GNAL: variants seen among roughly 807,000 people sequenced by gnomAD.
The protein encoded by GNAL is G protein subunit alpha L, also known as guanine nucleotide-binding protein G(olf) subunit alpha.
In GNAL, 18 loss-of-function variants were observed where a neutral mutation model predicts 55.1. The ratio of observed to expected loss-of-function variants is 0.33; its 90% CI spans 0.23 to 0.48. The LOEUF (loss-of-function observed/expected upper bound fraction) is 0.48, where lower values mean the gene tolerates loss of function less well. Among genes scored for constraint, GNAL ranks in the 20% least tolerant of loss-of-function variants. GNAL has a pLI of 0.99. For synonymous variants in GNAL, 253 were observed against 237.0 expected, an observed-to-expected ratio of 1.07 and a Z score of -0.62; for missense variants, 412 against 614.1, an observed-to-expected ratio of 0.67 and a Z score of 3.48.
At chr18:11,770,758 T>TTCTA (rs2033608181) in intron 4 of GNAL, among the ~76,000 whole-genome samples, 1 of 152,212 alleles carries the variant, frequency 6.6e-6, no homozygotes, top group Admixed American at 6.5e-5. Flanking sequence ...TATGTAAGTG[T>TTCTA]TCTAATACTT....
intron 11 of GNAL, among the ~76,000 whole-genome samples, chr18:11,877,630 G>C (rs1295756828): frequency 2.0e-5 from 3 of 151,818 alleles, no homozygotes; most frequent in African/African-American, 4.8e-5. Context: ...TCCCAAGGGC[G>C]ATGTTCCCGG....
chr18:11,734,479 T>C (rs2032417625), intron 1 of GNAL, among the ~76,000 whole-genome samples: 1 of 151,874 alleles, frequency 6.6e-6, no homozygotes. Context: ...TCACATAGAA[T>C]GGATTCAGTG....
intron 1 of GNAL, among the ~76,000 whole-genome samples, chr18:11,739,488 A>G (rs1318267411): frequency 6.6e-6 from 1 of 152,138 alleles, no homozygotes; most frequent in Admixed American, 6.5e-5. Context: ...TGAGACAATA[A>G]GTGTGTCTGA....
At chr18:11,774,296 T>A (rs1301201930) in intron 4 of GNAL, among the ~76,000 whole-genome samples, 1 of 152,232 alleles carries the variant, frequency 6.6e-6, no homozygotes, top group African/African-American at 2.4e-5. Context: ...CTCTGCCTTC[T>A]GTCAGTTTTC....
At chr18:11,856,648 G>C (rs1165287030) in intron 5 of GNAL, among the ~76,000 whole-genome samples, 1 of 151,862 alleles carries the variant, frequency 6.6e-6, no homozygotes, top group African/African-American at 2.4e-5. Flanking sequence ...AATACAGGTG[G>C]GGCGTGGTGG....
At chr18:11,821,891 C>T (rs968999962) in intron 4 of GNAL, among the ~76,000 whole-genome samples, 1 of 152,244 alleles carries the variant, frequency 6.6e-6, no homozygotes, top group Non-Finnish European at 1.5e-5. Flanking sequence ...AGCGCACATC[C>T]GCCCTCTGGC....
chr18:11,775,536 A>G (rs1267025955), intron 4 of GNAL, among the ~76,000 whole-genome samples: 1 of 152,230 alleles, frequency 6.6e-6, no homozygotes, highest in Non-Finnish European at 1.5e-5. Context: ...CTACACTCTG[A>G]GCCACAATGT....
intron 4 of GNAL, among the ~76,000 whole-genome samples, chr18:11,762,725 C>T (rs1277538514): frequency 6.6e-6 from 1 of 152,184 alleles, no homozygotes; most frequent in African/African-American, 2.4e-5. Context: ...AACCATTCCA[C>T]GGTTTTCTTT....
At chr18:11,791,852 G>A (rs750802435) in intron 4 of GNAL, among the ~76,000 whole-genome samples, 1 of 152,120 alleles carries the variant, frequency 6.6e-6, no homozygotes, top group African/African-American at 2.4e-5. Flanking sequence ...GAGAACTCCC[G>A]AGGGTCTGCA....
chr18:11,701,249 A>G (rs2031560754), intron 1 of GNAL, among the ~76,000 whole-genome samples: 1 of 152,186 alleles, frequency 6.6e-6, no homozygotes, highest in African/African-American at 2.4e-5. Context: ...GTGGGGAGGT[A>G]CAGGGGAGGT....
intron 5 of GNAL, among the ~76,000 whole-genome samples, chr18:11,848,495 C>T (rs1271473644): frequency 1.4e-5 from 2 of 147,766 alleles, no homozygotes; most frequent in South Asian, 2.1e-4. Flanking sequence ...CTCTCTCTGT[C>T]ACCCAGGCTG....
At chr18:11,854,784 A>C (rs2035965448) in intron 5 of GNAL, among the ~76,000 whole-genome samples, 1 of 152,158 alleles carries the variant, frequency 6.6e-6, no homozygotes, top group Non-Finnish European at 1.5e-5. Context: ...TCAGTCTCAA[A>C]AAAAGGAAAA....
At chr18:11,734,172 C>T (rs9946157) in intron 1 of GNAL, among the ~76,000 whole-genome samples, 23,938 of 147,426 alleles carry the variant, frequency 0.16, 3,603 homozygotes, top group African/African-American at 0.4. Flanking sequence ...TTTGAGACAG[C>T]CTCGCTCTGT....
intron 4 of GNAL, among the ~76,000 whole-genome samples, chr18:11,805,207 T>G (rs2034626899): frequency 7.0e-6 from 1 of 143,512 alleles, no homozygotes. Flanking sequence ...GCAATTTGAG[T>G]GGAACATGGA....
Position 11,777,747 on chromosome 18 carries a change from A to G in GNAL, c.624+23802A>G, listed in dbSNP as rs114616137. On this transcript the variant is annotated intron_variant, in intron 4 of 11. Transcript: ENST00000334049. ...ATGTTAAAAGTTGTTTGGAATTTCA[A>G]CCTACCCGGAAGAGCAGACCCTCGC... Among the ~76,000 whole-genome samples, 320 of 152,222 alleles carry G rather than the reference A, an allele frequency of 2.1e-3. 2 individuals are homozygous for G. The highest frequency in any genetic ancestry group is 7.5e-3 in the African/African-American group (310 of 41,534).
chr18:11,828,413 A>G (rs1026758318), intron 5 of GNAL, among the ~76,000 whole-genome samples: 3 of 152,212 alleles, frequency 2.0e-5, no homozygotes, highest in Admixed American at 1.3e-4. Context: ...AAAAATAAAA[A>G]GACACAATAG....
chr18:11,835,122 C>A (rs1198797119), intron 5 of GNAL, among the ~76,000 whole-genome samples: 10 of 152,168 alleles, frequency 6.6e-5, no homozygotes, highest in Non-Finnish European at 1.3e-4. Flanking sequence ...CAAAACTCAG[C>A]AGATATACAC....
chr18:11,714,486 T>G (rs2031907718), intron 1 of GNAL, among the ~76,000 whole-genome samples: 1 of 152,166 alleles, frequency 6.6e-6, no homozygotes, highest in East Asian at 1.9e-4. Context: ...TGCGTTTGTC[T>G]CACGCTCAGT....
chr18:11,844,770 A>T (rs1439694908), intron 5 of GNAL, among the ~76,000 whole-genome samples: 1 of 152,248 alleles, frequency 6.6e-6, no homozygotes, highest in Non-Finnish European at 1.5e-5. Context: ...GTGCTCCCCG[A>T]GGAGGACGAG....
Sources: allele counts gnomAD v4.1 joint callset (sites outside exome capture counted in the v4.1 genomes callset), GRCh38; gene constraint gnomAD v4.1.1; transcripts MANE v1.5; gene names NCBI Gene and HGNC (gene_info 2026-07-23, HGNC 2026-07-21).